MIPOL1: variants seen among roughly 807,000 people sequenced by gnomAD.
MIPOL1 encodes the protein mirror-image polydactyly gene 1 protein.
Under a neutral mutation model 60.9 loss-of-function variants are expected in MIPOL1, and 57 were observed. That is an observed-to-expected ratio of 0.94 (90% CI 0.76 to 1.17). The LOEUF (loss-of-function observed/expected upper bound fraction) is 1.17, where lower values mean the gene tolerates loss of function less well. Ranked by LOEUF, MIPOL1 falls within the 50% of genes most tolerant of loss-of-function variation. The pLI, the probability that MIPOL1 is intolerant of heterozygous loss-of-function variation, is 0.00. For missense variants in MIPOL1, 551 were observed against 511.6 expected (o/e 1.08, Z -0.74); for synonymous variants, 179 against 168.8 (o/e 1.06, Z -0.47).
chr14:37,343,876 G>A (rs2090752633), intron 9 of MIPOL1, among the ~76,000 whole-genome samples: 1 of 152,104 alleles, frequency 6.6e-6, no homozygotes, highest in Admixed American at 6.6e-5. Context: ...TTTGTTTTCA[G>A]TGACAAATTC....
chr14:37,200,715 T>C (rs1023006917), intron 1 of MIPOL1, among the ~76,000 whole-genome samples: 13 of 150,148 alleles, frequency 8.7e-5, no homozygotes, highest in African/African-American at 2.5e-4. Context: ...GGATTTGAGT[T>C]GTGGGCCATA....
rs141374828 is a variant in MIPOL1, at chr14:37,377,147, G to T, written c.936+7523G>T. ...GTCAGGACCTGAGTCAAACACTATT[G>T]ACTTTATAACTCAACATTTATTTCC... On this transcript the variant is annotated intron_variant, in intron 10 of 12. Coordinates refer to ENST00000684589, the MANE Select transcript of MIPOL1 (RefSeq NM_001388067.1). 2.8e-3 allele frequency among the ~76,000 whole-genome samples: 427 copies of T among 152,146 alleles called. 3 individuals carry two copies. The highest frequency in any genetic ancestry group is 0.01 in the African/African-American group (416 of 41,518).
intron 11 of MIPOL1, among the ~76,000 whole-genome samples, chr14:37,477,580 A>C (rs774820508): frequency 6.6e-6 from 1 of 152,156 alleles, no homozygotes; most frequent in Non-Finnish European, 1.5e-5. Context: ...CCCTAATCTG[A>C]AAATTCAAAG....
chr14:37,244,365 C>T (rs1238726834), intron 1 of MIPOL1, among the ~76,000 whole-genome samples: 2 of 151,816 alleles, frequency 1.3e-5, no homozygotes, highest in African/African-American at 4.8e-5. Flanking sequence ...TTGTGATCCG[C>T]CAGCCTTGGC....
chr14:37,314,250 T>A (rs1567423697), intron 9 of MIPOL1, among the ~76,000 whole-genome samples: 1 of 152,172 alleles, frequency 6.6e-6, no homozygotes, highest in Admixed American at 6.5e-5. Context: ...GATCCAGAGA[T>A]CTTTCATGTT....
At chr14:37,505,987 A>G (rs1266570416) in intron 12 of MIPOL1, 1 of 152,156 alleles carries the variant, frequency 6.6e-6, no homozygotes, top group Non-Finnish European at 1.5e-5. Context: ...ATCATGAGGG[A>G]ATTCCCATTC....
intron 11 of MIPOL1, among the ~76,000 whole-genome samples, chr14:37,444,952 A>G (rs2094309088): frequency 1.3e-5 from 2 of 152,190 alleles, no homozygotes; most frequent in Admixed American, 6.5e-5. Flanking sequence ...ATCTATGACA[A>G]ACCCACAGCC....
At chr14:37,338,107 A>AG (rs1238686427) in intron 9 of MIPOL1, among the ~76,000 whole-genome samples, 1 of 72,000 alleles carries the variant, frequency 1.4e-5, no homozygotes, top group Non-Finnish European at 2.8e-5. Context: ...TATTTAATTT[A>AG]ATTTTTTTTT....
intron 9 of MIPOL1, among the ~76,000 whole-genome samples, chr14:37,360,533 G>A (rs1256829179): frequency 6.6e-6 from 1 of 152,064 alleles, no homozygotes; most frequent in African/African-American, 2.4e-5. Context: ...AGTTCTTCCT[G>A]GTTTAGTCTT....
At chr14:37,280,231 T>A (rs945792125) in intron 6 of MIPOL1, among the ~76,000 whole-genome samples, 1 of 152,204 alleles carries the variant, frequency 6.6e-6, no homozygotes, top group East Asian at 1.9e-4. Context: ...TGTTTGGCAC[T>A]TCAGTTGTTT....
intron 11 of MIPOL1, among the ~76,000 whole-genome samples, chr14:37,426,063 G>A (rs1000284699): frequency 2.0e-5 from 3 of 152,090 alleles, no homozygotes; most frequent in Admixed American, 6.6e-5. Flanking sequence ...TTGAAAAATA[G>A]CAAATACTTG....
At chr14:37,407,081 G>A (rs531847895) in intron 10 of MIPOL1, among the ~76,000 whole-genome samples, 1 of 152,174 alleles carries the variant, frequency 6.6e-6, no homozygotes, top group South Asian at 2.1e-4. Context: ...ATTTTAAATT[G>A]CAAAAGGCTT....
At chr14:37,344,170 A>G (rs1486810875) in intron 9 of MIPOL1, among the ~76,000 whole-genome samples, 1 of 152,042 alleles carries the variant, frequency 6.6e-6, no homozygotes, top group Non-Finnish European at 1.5e-5. Flanking sequence ...TCAAATTCCA[A>G]TACCTCATAA....
intron 12 of MIPOL1, among the ~76,000 whole-genome samples, chr14:37,519,025 A>C (rs543338050): frequency 2.6e-5 from 4 of 152,368 alleles, no homozygotes; most frequent in African/African-American, 9.6e-5. Flanking sequence ...CCTTTTGTAC[A>C]GAATAATGTC....
chr14:37,446,316 T>G (rs2094334083), intron 11 of MIPOL1, among the ~76,000 whole-genome samples: 1 of 151,916 alleles, frequency 6.6e-6, no homozygotes, highest in Admixed American at 6.6e-5. Context: ...AAAAAACACA[T>G]GAAAAAATGC....
intron 10 of MIPOL1, among the ~76,000 whole-genome samples, chr14:37,392,118 CCA>C (rs1299835420): frequency 6.6e-6 from 1 of 151,796 alleles, no homozygotes; most frequent in Non-Finnish European, 1.5e-5. Flanking sequence ...TTAAAATCAA[CCA>C]GTCTGTATTT....
At chr14:37,417,517 A>T (rs2093792742) in intron 10 of MIPOL1, among the ~76,000 whole-genome samples, 1 of 152,198 alleles carries the variant, frequency 6.6e-6, no homozygotes, top group Admixed American at 6.5e-5. Context: ...TGTGAAGTGG[A>T]GGTTTAATTG....
intron 7 of MIPOL1, 119 bp from the exon 8 acceptor site, chr14:37,307,936 GT>G: frequency 1.3e-6 from 1 of 769,858 alleles, no homozygotes; most frequent in Non-Finnish European, 2.2e-6. Context: ...CAGTGTCATG[GT>G]TGACTCTAAA....
chr14:37,484,597 A>G (rs1304660842), intron 11 of MIPOL1, among the ~76,000 whole-genome samples: 2 of 151,944 alleles, frequency 1.3e-5, no homozygotes, highest in East Asian at 1.9e-4. Flanking sequence ...CAGCCTCCCA[A>G]AGTGCTGGGA....
Sources: allele counts gnomAD v4.1 joint callset (sites outside exome capture counted in the v4.1 genomes callset), GRCh38; gene constraint gnomAD v4.1.1; transcripts MANE v1.5; gene names NCBI Gene and HGNC (gene_info 2026-07-23, HGNC 2026-07-21).